CROT: variants seen among roughly 807,000 people sequenced by gnomAD.
CROT encodes the protein carnitine O-octanoyltransferase.
A neutral mutation model predicts 89.2 loss-of-function variants in CROT; 84 were observed. The observed-to-expected ratio is 0.94, with a 90% CI of 0.79 to 1.13. CROT has a LOEUF of 1.13. Ranked by LOEUF, CROT falls within the 50% of genes most tolerant of loss-of-function variation. The pLI, the probability that CROT is intolerant of heterozygous loss-of-function variation, is 0.00. For synonymous variants in CROT, 212 were observed against 239.5 expected (o/e 0.89, Z 1.06); for missense variants, 711 against 727.8 (o/e 0.98, Z 0.27).
intron 2 of CROT, 34 bp from the exon 3 acceptor site, chr7:87,349,014 T>A: frequency 2.2e-6 from 2 of 910,758 alleles, no homozygotes; most frequent in South Asian, 1.5e-5. Context: ...ATCTATGAGA[T>A]TGAAGTTGTG....
At chr7:87,349,842 G>T (rs1452094576) in intron 3 of CROT, among the ~76,000 whole-genome samples, 1 of 152,126 alleles carries the variant, frequency 6.6e-6, no homozygotes, top group Non-Finnish European at 1.5e-5. Flanking sequence ...AAGGGTGAAG[G>T]TTGTTCTTTT....
rs1305217609 is a variant in CROT at position 87,368,743 on chromosome 7, G to A, written c.548-633G>A. 4.6e-5 allele frequency among the ~76,000 whole-genome samples: 7 copies of A among 152,120 alleles called. 1 individual carries two copies. The highest frequency in any genetic ancestry group is 4.6e-4 in the Admixed American group (7 of 15,274). On this transcript the variant is annotated intron_variant, in intron 6 of 17. Transcript: ENST00000331536. ...TCACATAAGAAGATCCTTGGCAAAA[G>A]GACAAGTACCTAAAGATGGGGTTAT...
rs748938256 is a variant in CROT at position 87,349,121 on chromosome 7, A to T, written c.53A>T (p.Asp18Val). The change falls in exon 3 of 18, where the codon GAT becomes GTT. Residue 18 changes from aspartate to valine, a missense_variant. Coordinates refer to ENST00000331536, the MANE Select transcript of CROT (RefSeq NM_021151.4). Reference protein sequence around the residue: ...STEERTFQYQDSLPSLPVPSL... With the variant: ...STEERTFQYQVSLPSLPVPSL... ...GAAGAACGAACATTTCAGTACCAGG[A>T]TTCTCTTCCATCACTGCCTGTTCCT... 6.8e-6 allele frequency: 11 copies of T among 1,608,994 alleles called. No homozygotes were observed. The highest frequency in any genetic ancestry group is 8.5e-6 in the Non-Finnish European group (10 of 1,176,984).
intron 8 of CROT, 49 bp downstream of exon 8, chr7:87,375,774 T>C (rs750841282): frequency 2.8e-5 from 45 of 1,612,232 alleles, no homozygotes; most frequent in Non-Finnish European, 3.6e-5. Flanking sequence ...ACAAACTCTT[T>C]TGATGTATTG....
Position 87,398,739 on chromosome 7 carries a change from G to A in CROT, c.*95G>A. 1 of 1,193,902 alleles carries A rather than the reference G, an allele frequency of 8.4e-7. No homozygotes were observed. Among genetic ancestry groups the A allele is most frequent in the Non-Finnish European group, 1.2e-6 (1 of 852,826 alleles). The allele number at this position is 1,193,902 out of a possible 1,614,324, so 74.0% of individuals were successfully genotyped here. ...ATGAGATGGGAAGGAATGTTGACTTGCTAACATTCCTTTAACAAGTTAAGA... is the reference window on the plus strand; with the variant it reads ...ATGAGATGGGAAGGAATGTTGACTTACTAACATTCCTTTAACAAGTTAAGA... On this transcript the variant is annotated 3_prime_UTR_variant, in exon 18 of 18. Coordinates refer to ENST00000331536, the MANE Select transcript of CROT (RefSeq NM_021151.4).
In CROT at chr7:87,348,945, C is replaced by T. The variant is rs77107729; in HGVS notation, c.-21-103C>T. 1,040 of 499,980 alleles carry T rather than the reference C, an allele frequency of 2.1e-3. 6 individuals carry two copies. The highest frequency in any genetic ancestry group is 0.018 in the African/African-American group (930 of 50,628). The allele number at this position is 499,980 out of a possible 1,614,324, so 31.0% of individuals were successfully genotyped here. ...AAGCTGGTACCAAGTCCTAGATATG[C>T]TGTGGTCCCTAAATACTGGTTTAGT... is the stretch of plus-strand genomic sequence containing the variant. On this transcript the variant is annotated intron_variant, in intron 2 of 17. Transcript: ENST00000331536.
At chr7:87,357,032 T>C (rs1027071558) in intron 3 of CROT, among the ~76,000 whole-genome samples, 1 of 152,014 alleles carries the variant, frequency 6.6e-6, no homozygotes, top group Admixed American at 6.6e-5. Context: ...AAAATATATA[T>C]ATCAAGAACA....
chr7:87,362,729 GT>G (rs35148191), intron 6 of CROT, among the ~76,000 whole-genome samples: 9,769 of 151,838 alleles, frequency 0.064, 482 homozygotes, highest in Non-Finnish European at 0.095. Flanking sequence ...TGTGGTAACT[GT>G]TTTTTTCACA....
intron 9 of CROT, among the ~76,000 whole-genome samples, chr7:87,376,420 T>C (rs1437858190): frequency 1.3e-5 from 2 of 152,096 alleles, no homozygotes; most frequent in Admixed American, 6.5e-5. Flanking sequence ...AACACATTGA[T>C]GTCAGTGACG....
rs112141135 is a variant in CROT, at chr7:87,382,668, A to G, written c.1301+125A>G. Reference sequence around the variant, plus strand: ...TTTTTCCCAGCTGGTACTGTGTCCTATTTGTACTTCCATCAATAGAGTATT... The same window carrying G: ...TTTTTCCCAGCTGGTACTGTGTCCTGTTTGTACTTCCATCAATAGAGTATT... On this transcript the variant is annotated intron_variant, in intron 13 of 17. Transcript: ENST00000331536. 2,207 of 889,196 alleles carry G rather than the reference A, an allele frequency of 2.5e-3. 37 individuals are homozygous for G. The African/African-American group carries it at 0.032, about 13-fold the overall frequency. The allele number at this position is 889,196 out of a possible 1,614,324, so 55.1% of individuals were successfully genotyped here.
chr7:87,346,051 C>T (rs1805659451), intron 1 of CROT, among the ~76,000 whole-genome samples: 1 of 152,148 alleles, frequency 6.6e-6, no homozygotes, highest in Admixed American at 6.5e-5. Context: ...CTGCTTCTAC[C>T]CCTTGCCACT....
At chr7:87,362,074 T>C (rs1806294583) in intron 6 of CROT, among the ~76,000 whole-genome samples, 1 of 152,228 alleles carries the variant, frequency 6.6e-6, no homozygotes, top group Non-Finnish European at 1.5e-5. Context: ...CTGATGCTTA[T>C]ATTTCATCAT....
chr7:87,376,488 T>C (rs1483138312), intron 9 of CROT, among the ~76,000 whole-genome samples: 5 of 152,108 alleles, frequency 3.3e-5, no homozygotes, highest in African/African-American at 1.2e-4. Flanking sequence ...GTGACATTTG[T>C]GTCCCAGGAA....
intron 7 of CROT, among the ~76,000 whole-genome samples, chr7:87,373,149 A>C (rs1312776838): frequency 6.6e-6 from 1 of 152,100 alleles, no homozygotes; most frequent in East Asian, 1.9e-4. Context: ...CGATGCTAGT[A>C]AGGGTAAAGT....
At chr7:87,360,051 C>G (rs910582434) in intron 4 of CROT, 2 of 979,576 alleles carry the variant, frequency 2.0e-6, no homozygotes, top group African/African-American at 1.8e-5. Flanking sequence ...TTCACACTTC[C>G]GGATTCCTTT....
intron 13 of CROT, among the ~76,000 whole-genome samples, chr7:87,388,247 C>T (rs1260009700): frequency 6.6e-6 from 1 of 151,856 alleles, no homozygotes; most frequent in African/African-American, 2.4e-5. Flanking sequence ...CTACTACTGA[C>T]TTTCTTCAGA....
rs745490759 is a variant in CROT at position 87,357,501 on chromosome 7, T to C, written c.116-1705T>C. 3.2e-6 allele frequency: 5 copies of C among 1,551,422 alleles called. No individual in the cohort carries two copies. The South Asian group carries it at 3.6e-5, about 11-fold the overall frequency. On this transcript the variant is annotated intron_variant, in intron 3 of 17. Coordinates refer to ENST00000331536, the MANE Select transcript of CROT (RefSeq NM_021151.4). ...CATGGGATCTCATCCTAATGTCCCT[T>C]TGTAGTCACCAGAACATGCTACCAG...
intron 2 of CROT, among the ~76,000 whole-genome samples, chr7:87,347,771 C>T (rs1348513037): frequency 6.6e-6 from 1 of 152,008 alleles, no homozygotes; most frequent in East Asian, 1.9e-4. Context: ...GCATATATGA[C>T]TTCCATAAAT....
Position 87,357,543 on chromosome 7 carries a change from C to A in CROT, c.116-1663C>A, listed in dbSNP as rs1434388728. ...TGCTACCAGATAAGGGGTCTTGATCCAGATGCTAAGAGAGGGTTCTTGGAT... is the reference window on the plus strand; with the variant it reads ...TGCTACCAGATAAGGGGTCTTGATCAAGATGCTAAGAGAGGGTTCTTGGAT... On this transcript the variant is annotated intron_variant, in intron 3 of 17. Transcript: ENST00000331536. 2.0e-6 allele frequency: 3 copies of A among 1,501,196 alleles called. No individual in the cohort carries two copies. The highest frequency in any genetic ancestry group is 2.7e-6 in the Non-Finnish European group (3 of 1,101,056). The allele number at this position is 1,501,196 out of a possible 1,614,324, so 93.0% of individuals were successfully genotyped here.
Sources: allele counts gnomAD v4.1 joint callset (sites outside exome capture counted in the v4.1 genomes callset), GRCh38; gene constraint gnomAD v4.1.1; transcripts MANE v1.5; gene names NCBI Gene and HGNC (gene_info 2026-07-23, HGNC 2026-07-21).